The following RELCH variants were observed in gnomAD, a reference collection of about 807,000 sequenced individuals.
RELCH encodes RAB11-binding protein RELCH.
A neutral mutation model predicts 150.3 loss-of-function variants in RELCH; 41 were observed. The ratio of observed to expected loss-of-function variants is 0.27; its 90% CI spans 0.21 to 0.35. The LOEUF is 0.35. Ranked by LOEUF, RELCH falls within the 10% of genes least tolerant of loss-of-function variation. The probability of loss-of-function intolerance (pLI) is 1.00; values close to 1 mark genes in which losing one functional copy is unlikely to be tolerated. For synonymous variants in RELCH, 478 were observed against 531.8 expected (o/e 0.90, Z 1.39); for missense variants, 1,092 against 1,467.8 (o/e 0.74, Z 4.18).
At position 62,227,411 on chromosome 18, in the gene RELCH, A is replaced by C; in HGVS notation, c.981A>C (p.Gly327=). ...AAGATCTTGTAGATGTGGCCAGTGG[A>C]GTAGAAGAAGATGAATTAGAGGCCC... ...TGKDLVDVAS[G]VEEDELEALT... is the part of the protein sequence containing the mutation. Residue 327 remains glycine (G), a synonymous_variant, in exon 6 of 29, where the codon GGA becomes GGC. Transcript: ENST00000644646. 1 of 1,613,230 alleles carries C rather than the reference A, an allele frequency of 6.2e-7. No individual in the cohort carries two copies. Among genetic ancestry groups the C allele is most frequent in the Non-Finnish European group, 8.5e-7 (1 of 1,179,486 alleles).
chr18:62,188,521 G>A (rs2038338191), intron 1 of RELCH, among the ~76,000 whole-genome samples: 1 of 152,174 alleles, frequency 6.6e-6, no homozygotes, highest in Non-Finnish European at 1.5e-5. Context: ...TCTTTGGGAC[G>A]ACTTTTTCAC....
At chr18:62,249,567 A>G (rs186346188) in intron 11 of RELCH, among the ~76,000 whole-genome samples, 2 of 152,206 alleles carry the variant, frequency 1.3e-5, no homozygotes, top group African/African-American at 2.4e-5. Flanking sequence ...AATTTAGTTA[A>G]TAATTAAATA....
At chr18:62,293,904 T>G (rs1443099774) in intron 27 of RELCH, among the ~76,000 whole-genome samples, 3 of 152,164 alleles carry the variant, frequency 2.0e-5, no homozygotes, top group Non-Finnish European at 4.4e-5. Context: ...TACCACATAT[T>G]TATTTATCCC....
intron 2 of RELCH, 99 bp from the exon 3 acceptor site, chr18:62,220,938 A>ATTTTT: frequency 1.1e-6 from 1 of 923,540 alleles, no homozygotes; most frequent in South Asian, 1.4e-5. Context: ...TACAAATTGT[A>ATTTTT]TTTTTTTTTC....
chr18:62,187,929 G>A lies in RELCH; in HGVS notation c.424G>A (p.Gly142Arg). Residue 142 changes from glycine to arginine, a missense_variant, in exon 1 of 29, where the codon GGA (glycine) becomes AGA (arginine). Physicochemically the swap from Gly to Arg is moderately radical, Grantham distance 125 (BLOSUM62 -2). This residue lies in a region of RELCH where 190 missense variants were observed against 276.2 expected (regional missense o/e 0.69). Transcript: ENST00000644646. ...TCCAGGCAACTTCGAGAGGCAAAGT[G>A]GAACCCCGCCGGGGATGGGGGCGCC... The part of the protein sequence containing the change: ...SNPGNFERQS[G>R]TPPGMGAPGV... 6.3e-7 allele frequency: 1 copy of A among 1,596,788 alleles called. No homozygotes were observed. The highest frequency in any genetic ancestry group is 8.5e-7 in the Non-Finnish European group (1 of 1,172,738).
At chr18:62,190,770 G>GTA (rs1363880926) in intron 1 of RELCH, among the ~76,000 whole-genome samples, 3 of 152,128 alleles carry the variant, frequency 2.0e-5, no homozygotes, top group Non-Finnish European at 4.4e-5. Flanking sequence ...GCTGGCCTGT[G>GTA]TATTATAAAA....
intron 1 of RELCH, among the ~76,000 whole-genome samples, chr18:62,192,343 C>G (rs1031487920): frequency 6.6e-6 from 1 of 152,134 alleles, no homozygotes; most frequent in Admixed American, 6.5e-5. Context: ...TGTAGGTTGT[C>G]TGTTCACTCT....
chr18:62,189,022 C>A (rs1454726968), intron 1 of RELCH, among the ~76,000 whole-genome samples: 1 of 152,102 alleles, frequency 6.6e-6, no homozygotes, highest in African/African-American at 2.4e-5. Context: ...GTGCCAGAGA[C>A]TTAAATTGCC....
chr18:62,197,469 T>A (rs1236012652), intron 1 of RELCH, among the ~76,000 whole-genome samples: 1 of 152,140 alleles, frequency 6.6e-6, no homozygotes, highest in African/African-American at 2.4e-5. Flanking sequence ...ATCCTGCAGC[T>A]CCCAGCCTCC....
At chr18:62,197,283 A>C (rs558317186) in intron 1 of RELCH, among the ~76,000 whole-genome samples, 1 of 152,312 alleles carries the variant, frequency 6.6e-6, no homozygotes, top group East Asian at 1.9e-4. Context: ...GGGAAAACCA[A>C]CCTTATTTCT....
intron 12 of RELCH, among the ~76,000 whole-genome samples, 182 bp downstream of exon 12, chr18:62,252,936 T>C (rs1323654682): frequency 6.6e-6 from 1 of 152,194 alleles, no homozygotes; most frequent in Non-Finnish European, 1.5e-5. Flanking sequence ...CCTTTATTCA[T>C]TCAGTCAACA....
intron 2 of RELCH, among the ~76,000 whole-genome samples, chr18:62,220,405 T>A (rs529278584): frequency 3.2e-4 from 49 of 151,094 alleles, no homozygotes; most frequent in Non-Finnish European, 6.2e-4. Context: ...GATGTATCTG[T>A]GTTTGTTTTT....
chr18:62,229,495 T>TGG (rs2041425169), intron 8 of RELCH, among the ~76,000 whole-genome samples: 1 of 143,402 alleles, frequency 7.0e-6, no homozygotes, highest in East Asian at 2.3e-4. Context: ...GGTGTGTGTG[T>TGG]GTGTGTGTGT....
Position 62,244,860 on chromosome 18 carries a change from C to A in RELCH, c.1717C>A (p.Pro573Thr). Reference sequence around the variant, plus strand: ...CATACTTTTCAATTTGATCAAGAGGCCAGATGATGAGCAAAGGTGGGTATG... The same window carrying A: ...CATACTTTTCAATTTGATCAAGAGGACAGATGATGAGCAAAGGTGGGTATG... ...LHILFNLIKR[P>T]DDEQRQMILT... is the part of the protein sequence containing the mutation. The change falls in exon 11 of 29, where the codon CCA becomes ACA. Residue 573 changes from proline (P) to threonine (T), a missense_variant. Around this residue, in one of 4 missense-constraint regions of RELCH, gnomAD observed 707 missense variants for 1,025.4 expected, o/e 0.69. Coordinates refer to ENST00000644646, the MANE Select transcript of RELCH (RefSeq NM_001346231.2). The A allele has an allele frequency of 6.2e-7, 1 of 1,609,022 alleles. No individual in the cohort carries two copies. Among genetic ancestry groups the A allele is most frequent in the Non-Finnish European group, 8.5e-7 (1 of 1,175,606 alleles).
At chr18:62,191,900 G>T (rs1424135348) in intron 1 of RELCH, among the ~76,000 whole-genome samples, 2 of 152,096 alleles carry the variant, frequency 1.3e-5, no homozygotes, top group African/African-American at 2.4e-5. Flanking sequence ...CATTCCTTTG[G>T]GCATATACCC....
intron 22 of RELCH, among the ~76,000 whole-genome samples, chr18:62,276,688 AT>A (rs1427986374): frequency 6.6e-6 from 1 of 152,210 alleles, no homozygotes; most frequent in Non-Finnish European, 1.5e-5. Flanking sequence ...GCTTTCTAAA[AT>A]TTTCAAATAC....
Position 62,279,842 on chromosome 18 carries a change from C to T in RELCH, c.3036C>T (p.Ser1012=), listed in dbSNP as rs1201614481. Residue 1012 remains serine, a synonymous_variant, in exon 23 of 29, where the codon TCC becomes TCT. Transcript: ENST00000644646. ...TTGTTCCTGCTCTCATTACTCTCTC[C>T]AGTGACCCTGAAATGTAAGTGTCAT... is the stretch of plus-strand genomic sequence containing the variant. The part of the protein sequence containing the change: ...QRVVPALITL[S]SDPEISVRIA... 1 of 1,534,354 alleles carries T rather than the reference C, an allele frequency of 6.5e-7. No individual in the cohort carries two copies. The highest frequency in any genetic ancestry group is 2.4e-5 in the East Asian group (1 of 40,904).
Position 62,270,994 on chromosome 18 carries a change from A to T in RELCH, c.2760+2046A>T, listed in dbSNP as rs577862335. The stretch of plus-strand genomic sequence containing the variant: ...ATTTTCTTAATCCAATCTATCATTG[A>T]TGGACATTTGGGTTGGTTCCAAGTC... On this transcript the variant is annotated intron_variant, in intron 20 of 28. Transcript: ENST00000644646. Among the ~76,000 whole-genome samples the T allele has an allele frequency of 8.9e-3, 1,349 of 152,240 alleles. 6 individuals are homozygous for T. Among genetic ancestry groups the T allele is most frequent in the South Asian group, 0.016 (76 of 4,824 alleles).
intron 7 of RELCH, 119 bp from the exon 8 acceptor site, chr18:62,228,186 C>A: frequency 1.3e-6 from 1 of 765,494 alleles, no homozygotes; most frequent in Non-Finnish European, 2.1e-6. Flanking sequence ...ACTTGCCAAT[C>A]ATTTGCTACT....
Sources: allele counts gnomAD v4.1 joint callset (sites outside exome capture counted in the v4.1 genomes callset), GRCh38; gene constraint gnomAD v4.1.1; regional missense constraint gnomAD v4.1.1; transcripts MANE v1.5; gene names NCBI Gene and HGNC (gene_info 2026-07-23, HGNC 2026-07-21).